The following RPS6KA2 variants were observed in gnomAD, a reference collection of about 807,000 sequenced individuals.
The protein encoded by RPS6KA2 is ribosomal protein S6 kinase alpha-2.
A neutral mutation model predicts 91.8 loss-of-function variants in RPS6KA2; 42 were observed. The ratio of observed to expected loss-of-function variants is 0.46; its 90% CI spans 0.36 to 0.59. RPS6KA2 has a LOEUF of 0.59. Ranked by LOEUF, RPS6KA2 falls within the 20% of genes least tolerant of loss-of-function variation. The pLI is 0.00. For missense variants in RPS6KA2, 798 were observed against 978.5 expected (o/e 0.82, Z 2.46); for synonymous variants, 414 against 393.6 (o/e 1.05, Z -0.61).
At chr6:166,702,422 AGTG>A in intron 2 of RPS6KA2, 1 of 1,298,980 alleles carries the variant, frequency 7.7e-7, no homozygotes, top group Non-Finnish European at 1.1e-6. Context: ...CAGTTTGTCT[AGTG>A]CTTGTCTAGC....
At chr6:166,413,127 C>T (rs73267279) in intron 20 of RPS6KA2, among the ~76,000 whole-genome samples, 15,492 of 152,102 alleles carry the variant, frequency 0.1, 2,485 homozygotes, top group African/African-American at 0.34. Context: ...CACCCTGGCA[C>T]TGTGCTTGTG....
rs576958652 is a variant in RPS6KA2, at chr6:166,818,185, A to G, written c.123+40015T>C. Among the ~76,000 whole-genome samples the G allele has an allele frequency of 3.3e-5, 5 of 152,246 alleles. No homozygotes were observed. The South Asian group carries it at 1.0e-3, about 32-fold the overall frequency. On this transcript the variant is annotated intron_variant, in intron 2 of 21. Transcript: ENST00000503859. Reference sequence around the variant, plus strand: ...TGATATTATTAAATGTACAGTTTATATTGAAATTATCTCCAAAAATGTCTT... The same window carrying G: ...TGATATTATTAAATGTACAGTTTATGTTGAAATTATCTCCAAAAATGTCTT...
intron 1 of RPS6KA2, among the ~76,000 whole-genome samples, chr6:166,573,598 T>C (rs1193020830): frequency 1.3e-5 from 2 of 152,222 alleles, no homozygotes; most frequent in Admixed American, 6.5e-5. Flanking sequence ...AGCTCGCCAC[T>C]GCAAAGCCCC....
At chr6:166,550,450 AAAG>A (rs1022355011) in intron 1 of RPS6KA2, among the ~76,000 whole-genome samples, 2 of 152,206 alleles carry the variant, frequency 1.3e-5, no homozygotes, top group Non-Finnish European at 2.9e-5. Flanking sequence ...TGGTAAAAAA[AAAG>A]AAGGACTCAA....
At chr6:166,481,200 CCAAGT>C (rs1216817956) in intron 10 of RPS6KA2, among the ~76,000 whole-genome samples, 1 of 152,202 alleles carries the variant, frequency 6.6e-6, no homozygotes, top group East Asian at 1.9e-4. Context: ...GTTTAAAAGG[CCAAGT>C]CAAGTACTCT....
At chr6:166,632,133 A>G (rs1043631679), upstream of RPS6KA2, among the ~76,000 whole-genome samples, 1 of 152,150 alleles carries the variant, frequency 6.6e-6, no homozygotes, top group African/African-American at 2.4e-5. Flanking sequence ...TAGACTCCAC[A>G]GATAAGTGAG....
chr6:166,659,230 C>A (rs1788088904), intron 2 of RPS6KA2, among the ~76,000 whole-genome samples: 1 of 152,304 alleles, frequency 6.6e-6, no homozygotes, highest in African/African-American at 2.4e-5. Context: ...CAATTTCAGC[C>A]CTATTAATTA....
intron 10 of RPS6KA2, among the ~76,000 whole-genome samples, chr6:166,480,802 A>G (rs547376571): frequency 6.6e-6 from 1 of 152,058 alleles, no homozygotes; most frequent in Admixed American, 6.5e-5. Context: ...GGCGTACACC[A>G]CCACTCCTGG....
At position 166,612,103 on chromosome 6, in the gene RPS6KA2, T is replaced by C. The variant is rs901841780; in HGVS notation, c.99+14818A>G. ...CCCCTTTCCCAGGCCTGTTTGTTCT[T>C]TTTCCTCTTATTTTTCCTCCGTCGT... On this transcript the variant is annotated intron_variant, in intron 1 of 20. Transcript: ENST00000265678. The surrounding 1 kb of genome is among the most constrained non-coding windows in gnomAD (Gnocchi z 4.3). Among the ~76,000 whole-genome samples the C allele has an allele frequency of 2.6e-5, 4 of 152,148 alleles. No individual in the cohort carries two copies.
At chr6:166,838,034 A>G (rs1289099032) in intron 2 of RPS6KA2, among the ~76,000 whole-genome samples, 1 of 152,278 alleles carries the variant, frequency 6.6e-6, no homozygotes, top group Non-Finnish European at 1.5e-5. Context: ...GCTCTGCATG[A>G]GCACAGGCTC....
chr6:166,678,171 T>C (rs573909510), intron 2 of RPS6KA2, among the ~76,000 whole-genome samples: 19 of 152,308 alleles, frequency 1.2e-4, no homozygotes, highest in Non-Finnish European at 2.2e-4. Flanking sequence ...CCAGCACCAA[T>C]TTCTCCTGCC....
At chr6:166,427,423 T>C (rs2128443742) in intron 16 of RPS6KA2, among the ~76,000 whole-genome samples, 1 of 152,276 alleles carries the variant, frequency 6.6e-6, no homozygotes, top group South Asian at 2.1e-4. Flanking sequence ...ATCACTCCTA[T>C]TCAACATAGT....
chr6:166,686,363 G>A (rs1226833966), intron 2 of RPS6KA2, among the ~76,000 whole-genome samples: 1 of 152,176 alleles, frequency 6.6e-6, no homozygotes, highest in Non-Finnish European at 1.5e-5. Context: ...GGGCTCCTGA[G>A]CAACTTTTCT....
rs190365247 is a variant in RPS6KA2, at chr6:166,499,468, C to T, written c.605-818G>A. 1.9e-4 allele frequency among the ~76,000 whole-genome samples: 29 copies of T among 152,340 alleles called. No individual in the cohort carries two copies. In the East Asian group the frequency reaches 4.1e-3, roughly 21 times the overall value. On this transcript the variant is annotated intron_variant, in intron 7 of 20. Transcript: ENST00000265678. Reference sequence around the variant, plus strand: ...TCACCTTGAATTGTAAGAATCCCCACGTGTCGTGGGAGGGACAGAGTGGGA... The same window carrying T: ...TCACCTTGAATTGTAAGAATCCCCATGTGTCGTGGGAGGGACAGAGTGGGA...
rs1042879157 is a variant in RPS6KA2 at position 166,665,235 on chromosome 6, G to A, written c.124-126451C>T. Reference sequence around the variant, plus strand: ...TACTAACTCAGGTGAAAGATTGTGAGATTTCATCCTCAGGTACACACACCA... The same window carrying A: ...TACTAACTCAGGTGAAAGATTGTGAAATTTCATCCTCAGGTACACACACCA... On this transcript the variant is annotated intron_variant, in intron 2 of 21. Coordinates refer to the RPS6KA2 transcript ENST00000503859. The surrounding 1 kb of genome is among the most constrained non-coding windows in gnomAD (Gnocchi z 4.5). 3.9e-5 allele frequency among the ~76,000 whole-genome samples: 6 copies of A among 152,316 alleles called. No homozygotes were observed. The East Asian group carries it at 1.2e-3, about 29-fold the overall frequency.
At chr6:166,791,290 G>T (rs1338190661) in intron 2 of RPS6KA2, among the ~76,000 whole-genome samples, 2 of 152,056 alleles carry the variant, frequency 1.3e-5, no homozygotes, top group Non-Finnish European at 2.9e-5. Context: ...AATGGTAAAG[G>T]GATCAATTCA....
At chr6:166,705,888 G>C (rs921535406) in intron 2 of RPS6KA2, among the ~76,000 whole-genome samples, 1 of 152,096 alleles carries the variant, frequency 6.6e-6, no homozygotes, top group African/African-American at 2.4e-5. Flanking sequence ...TTTGGAGGGG[G>C]GTCTGGGAGG....
chr6:166,731,606 G>A (rs1039909520), intron 2 of RPS6KA2, among the ~76,000 whole-genome samples: 1 of 151,992 alleles, frequency 6.6e-6, no homozygotes, highest in African/African-American at 2.4e-5. Flanking sequence ...GACAAAGCAG[G>A]ACAGAGCACA....
At chr6:166,796,087 T>A (rs1308704704) in intron 2 of RPS6KA2, among the ~76,000 whole-genome samples, 1 of 152,232 alleles carries the variant, frequency 6.6e-6, no homozygotes, top group African/African-American at 2.4e-5. Flanking sequence ...TCTTATCTGA[T>A]GGAAAACAGC....
Sources: allele counts gnomAD v4.1 joint callset (sites outside exome capture counted in the v4.1 genomes callset), GRCh38; gene constraint gnomAD v4.1.1; non-coding constraint Gnocchi (gnomAD v3.1); transcripts MANE v1.5; gene names NCBI Gene and HGNC (gene_info 2026-07-23, HGNC 2026-07-21).